ASPH: variants seen among roughly 807,000 people sequenced by gnomAD.
The protein encoded by ASPH is aspartyl/asparaginyl beta-hydroxylase.
A neutral mutation model predicts 118.4 loss-of-function variants in ASPH; 100 were observed. The observed-to-expected ratio is 0.84, with a 90% CI of 0.72 to 1.00. The LOEUF (loss-of-function observed/expected upper bound fraction) is 1.00. Among genes scored for constraint, ASPH ranks in the 50% least tolerant of loss-of-function variants. The probability of loss-of-function intolerance (pLI) is 0.00; values close to 1 mark genes in which losing one functional copy is unlikely to be tolerated. For synonymous variants in ASPH, 315 were observed against 325.6 expected, an observed-to-expected ratio of 0.97 and a Z score of 0.35; for missense variants, 920 against 919.5, an observed-to-expected ratio of 1.00 and a Z score of -0.01.
chr8:61,665,086 G>T, intron 3 of ASPH: 1 of 1,390,346 alleles, frequency 7.2e-7, no homozygotes. Flanking sequence ...AGTATGAGAC[G>T]GTATATTTAA....
chr8:61,626,219 A>G (rs1012435487), intron 13 of ASPH: 11 of 1,486,250 alleles, frequency 7.4e-6, no homozygotes, highest in African/African-American at 1.4e-5. Context: ...CATCTTTTGG[A>G]GCGTATGGTT....
chr8:61,528,878 G>A (rs755529389), intron 21 of ASPH, among the ~76,000 whole-genome samples: 14 of 152,178 alleles, frequency 9.2e-5, no homozygotes, highest in Non-Finnish European at 2.9e-5. Context: ...GCAAACTGGT[G>A]CAGAAGGGTC....
chr8:61,669,903 T>C (rs549252548), intron 3 of ASPH, among the ~76,000 whole-genome samples: 1 of 152,192 alleles, frequency 6.6e-6, no homozygotes, highest in Non-Finnish European at 1.5e-5. Context: ...ATCAGATTAG[T>C]GAAACATATA....
intron 13 of ASPH, among the ~76,000 whole-genome samples, chr8:61,628,617 C>T (rs1854088203): frequency 6.6e-6 from 1 of 152,126 alleles, no homozygotes; most frequent in Non-Finnish European, 1.5e-5. Flanking sequence ...CTGCCAGCTC[C>T]TGGAGCTTTT....
At chr8:61,693,620 C>T (rs962402723) in intron 1 of ASPH, among the ~76,000 whole-genome samples, 1 of 151,776 alleles carries the variant, frequency 6.6e-6, no homozygotes, top group African/African-American at 2.4e-5. Flanking sequence ...AAGGCCACCT[C>T]CACATGCAAG....
chr8:61,630,993 T>C (rs1461802520), intron 13 of ASPH, among the ~76,000 whole-genome samples: 1 of 152,070 alleles, frequency 6.6e-6, no homozygotes, highest in African/African-American at 2.4e-5. Flanking sequence ...AGCTAATATG[T>C]CTGTCTGTGT....
At chr8:61,683,772 G>A (rs1408487815) in intron 2 of ASPH, 4 of 332,610 alleles carry the variant, frequency 1.2e-5, no homozygotes, top group Non-Finnish European at 1.6e-5. Context: ...TAGTGAGAAT[G>A]AGTACTGTTT....
intron 14 of ASPH, among the ~76,000 whole-genome samples, chr8:61,608,527 A>G (rs1846277211): frequency 2.0e-5 from 3 of 152,136 alleles, no homozygotes. Flanking sequence ...TTTTCATACT[A>G]CAGGTTCAGC....
At chr8:61,644,569 A>C in intron 7 of ASPH, 31 bp downstream of exon 7, 1 of 1,547,210 alleles carries the variant, frequency 6.5e-7, no homozygotes, top group Non-Finnish European at 8.7e-7. Context: ...GACTCACTCT[A>C]ATTAAGAACA....
At chr8:61,597,050 T>C (rs1245233500) in intron 14 of ASPH, among the ~76,000 whole-genome samples, 1 of 151,756 alleles carries the variant, frequency 6.6e-6, no homozygotes, top group African/African-American at 2.4e-5. Flanking sequence ...ATAGATACCA[T>C]TTAAAAGAAC....
chr8:61,650,881 T>A (rs948447988), intron 5 of ASPH, among the ~76,000 whole-genome samples, 169 bp downstream of exon 5: 1 of 152,228 alleles, frequency 6.6e-6, no homozygotes, highest in African/African-American at 2.4e-5. Flanking sequence ...AAAGTAAGTT[T>A]AGTGCTATTT....
chr8:61,661,857 AT>A (rs1817081730), intron 3 of ASPH: 1 of 421,236 alleles, frequency 2.4e-6, no homozygotes, highest in Non-Finnish European at 4.2e-6. Flanking sequence ...ATGCTGATTG[AT>A]TTATGTCAAT....
intron 3 of ASPH, among the ~76,000 whole-genome samples, chr8:61,680,253 T>C (rs1827390786): frequency 6.6e-6 from 1 of 151,826 alleles, no homozygotes; most frequent in South Asian, 2.1e-4. Flanking sequence ...TTTTAACATA[T>C]ATTATGCTAC....
At chr8:61,540,287 T>C (rs1713760527) in intron 21 of ASPH, among the ~76,000 whole-genome samples, 1 of 152,126 alleles carries the variant, frequency 6.6e-6, no homozygotes, top group South Asian at 2.1e-4. Context: ...TGGGAGGAGA[T>C]TGGACCATGG....
At chr8:61,690,327 C>G (rs1387088400) in intron 1 of ASPH, among the ~76,000 whole-genome samples, 1 of 151,986 alleles carries the variant, frequency 6.6e-6, no homozygotes, top group Non-Finnish European at 1.5e-5. Flanking sequence ...AATAAAGCAC[C>G]AACATAAAAT....
intron 3 of ASPH, chr8:61,665,187 T>C: frequency 2.6e-6 from 4 of 1,519,490 alleles, no homozygotes; most frequent in African/African-American, 2.8e-5. Context: ...ACATTTTCCA[T>C]GCTTTTTTGT....
chr8:61,565,703 C>CA (rs1344794555), intron 17 of ASPH, among the ~76,000 whole-genome samples: 2 of 151,684 alleles, frequency 1.3e-5, no homozygotes, highest in Admixed American at 6.6e-5. Flanking sequence ...TCTATGTAGA[C>CA]AAAATCACTG....
Position 61,556,025 on chromosome 8 carries a change from A to AAACTCAAAGAAAACACAGAACAT in ASPH, c.1438-26_1438-4dup, listed in dbSNP as rs758942457. On this transcript the variant is annotated splice_polypyrimidine_tract_variant and splice_region_variant and intron_variant, in intron 18 of 24. Coordinates refer to ENST00000379454, the MANE Select transcript of ASPH (RefSeq NM_004318.4). ...TCATTAGGTGTCACACTCAGCACCTAAACTCAAAGAAAACACAGAACATAA... is the reference window on the plus strand; with the variant it reads ...TCATTAGGTGTCACACTCAGCACCTAAACTCAAAGAAAACACAGAACATAACTCAAAGAAAACACAGAACATAA... The AAACTCAAAGAAAACACAGAACAT allele has an allele frequency of 6.2e-7, 1 of 1,612,638 alleles. No homozygotes were observed. Among genetic ancestry groups the AAACTCAAAGAAAACACAGAACAT allele is most frequent in the East Asian group, 2.2e-5 (1 of 44,838 alleles).
In ASPH at chr8:61,517,494, G is replaced by T. The variant is rs538642920; in HGVS notation, c.2126+34C>A. 118 of 1,606,092 alleles carry T rather than the reference G, an allele frequency of 7.3e-5. 1 individual carries two copies. In the South Asian group the frequency reaches 1.2e-3, roughly 17 times the overall value. ...TTGTAACAAACTCTCATCCTCTGAG[G>T]TGACGGATATGACGGATAACAGAGG... is the stretch of plus-strand genomic sequence containing the variant. On this transcript the variant is annotated intron_variant, in intron 24 of 24. Transcript: ENST00000379454.
Sources: gnomAD v4.1 joint callset for allele counts (sites outside exome capture counted in the v4.1 genomes callset) on GRCh38, gnomAD v4.1.1 for gene constraint, MANE v1.5 for transcripts, NCBI Gene and HGNC (gene_info 2026-07-23, HGNC 2026-07-21) for gene names.